ZFPM2: variants seen among roughly 807,000 people sequenced by gnomAD.
ZFPM2 encodes the protein zinc finger protein, FOG family member 2.
Under a neutral mutation model 98.6 loss-of-function variants are expected in ZFPM2, and 20 were observed. That is an observed-to-expected ratio of 0.20 (90% CI 0.14 to 0.29). The LOEUF (loss-of-function observed/expected upper bound fraction) is 0.29. ZFPM2 is among the 10% of genes least tolerant of loss of function. ZFPM2 has a pLI of 1.00. For synonymous variants in ZFPM2, 518 were observed against 502.7 expected (o/e 1.03, Z -0.41); for missense variants, 1,310 against 1,388.6 (o/e 0.94, Z 0.90).
At chr8:105,761,927 T>C (rs1391058622) in intron 5 of ZFPM2, among the ~76,000 whole-genome samples, 1 of 151,974 alleles carries the variant, frequency 6.6e-6, no homozygotes, top group African/African-American at 2.4e-5. Flanking sequence ...AATTGATGGA[T>C]ATGCTTTAGG....
intron 3 of ZFPM2, 146 bp downstream of exon 3, chr8:105,444,527 A>G (rs1425396609): frequency 1.3e-5 from 6 of 477,352 alleles, no homozygotes; most frequent in Non-Finnish European, 2.2e-5. Flanking sequence ...TATTATTTTA[A>G]AAATACTTCT....
At chr8:105,624,626 T>G (rs1816616349) in intron 4 of ZFPM2, among the ~76,000 whole-genome samples, 1 of 152,210 alleles carries the variant, frequency 6.6e-6, no homozygotes, top group Admixed American at 6.5e-5. Flanking sequence ...TATTATTTTT[T>G]AAAATATCAT....
At chr8:105,770,697 A>C (rs1812960073) in intron 5 of ZFPM2, among the ~76,000 whole-genome samples, 1 of 152,168 alleles carries the variant, frequency 6.6e-6, no homozygotes, top group Admixed American at 6.6e-5. Context: ...ACTCTACGCT[A>C]TTAAACCACA....
chr8:105,669,923 C>A (rs773934162), intron 5 of ZFPM2: 10 of 152,040 alleles, frequency 6.6e-5, no homozygotes, highest in Non-Finnish European at 1.5e-4. Flanking sequence ...TGCCTGAGTT[C>A]TTTTTCACCA....
chr8:105,694,230 C>T (rs931709828), intron 5 of ZFPM2, among the ~76,000 whole-genome samples: 1 of 151,766 alleles, frequency 6.6e-6, no homozygotes, highest in African/African-American at 2.4e-5. Context: ...TTGTGATCTG[C>T]CCCCCGCGGC....
chr8:105,793,240 T>C (rs1295260597), intron 6 of ZFPM2, among the ~76,000 whole-genome samples: 3 of 152,186 alleles, frequency 2.0e-5, no homozygotes, highest in African/African-American at 7.2e-5. Flanking sequence ...TTCCTTTCCA[T>C]GTTTAGTGCT....
chr8:105,474,074 T>A (rs1812963289), intron 3 of ZFPM2, among the ~76,000 whole-genome samples: 1 of 152,230 alleles, frequency 6.6e-6, no homozygotes, highest in Non-Finnish European at 1.5e-5. Flanking sequence ...ATTATGATGA[T>A]ATACTTGATA....
At chr8:105,787,230 T>G (rs1455979854) in intron 5 of ZFPM2, 1 of 152,238 alleles carries the variant, frequency 6.6e-6, no homozygotes, top group Non-Finnish European at 1.5e-5. Context: ...TTCTATTATT[T>G]GAAAAGAAGT....
chr8:105,543,853 C>T (rs1035873465), intron 3 of ZFPM2, among the ~76,000 whole-genome samples: 17 of 152,158 alleles, frequency 1.1e-4, no homozygotes, highest in East Asian at 3.9e-4. Context: ...TCATGAACCA[C>T]ATAACTTGGG....
intron 3 of ZFPM2, among the ~76,000 whole-genome samples, chr8:105,526,523 C>A (rs1266134711): frequency 1.3e-5 from 2 of 152,066 alleles, no homozygotes; most frequent in Non-Finnish European, 2.9e-5. Flanking sequence ...CAGAAACTAC[C>A]TGACTAGCCT....
intron 1 of ZFPM2, among the ~76,000 whole-genome samples, chr8:105,413,515 C>G (rs1811620551): frequency 6.7e-6 from 1 of 148,618 alleles, no homozygotes. Context: ...TATACACACA[C>G]ACACGCACAT....
At chr8:105,463,936 G>A (rs1430310138) in intron 3 of ZFPM2, among the ~76,000 whole-genome samples, 1 of 152,010 alleles carries the variant, frequency 6.6e-6, no homozygotes, top group East Asian at 1.9e-4. Context: ...CATGAATTTT[G>A]TGAGGAATGC....
chr8:105,707,076 A>G (rs1377640858), intron 5 of ZFPM2, among the ~76,000 whole-genome samples: 1 of 151,932 alleles, frequency 6.6e-6, no homozygotes, highest in Non-Finnish European at 1.5e-5. Context: ...CCTCATCTCT[A>G]TTAAACATTT....
intron 1 of ZFPM2, among the ~76,000 whole-genome samples, chr8:105,331,486 A>G (rs1010504461): frequency 6.6e-6 from 1 of 151,688 alleles, no homozygotes; most frequent in African/African-American, 2.4e-5. Flanking sequence ...TGTTGTTTCT[A>G]TACTGTGGTT....
intron 1 of ZFPM2, among the ~76,000 whole-genome samples, chr8:105,364,474 C>T (rs1248192216): frequency 6.6e-6 from 1 of 151,944 alleles, no homozygotes. Flanking sequence ...TTCATCTCAA[C>T]TACAAATTAG....
intron 3 of ZFPM2, among the ~76,000 whole-genome samples, chr8:105,502,936 C>T (rs1234463319): frequency 2.6e-5 from 4 of 152,066 alleles, no homozygotes; most frequent in Non-Finnish European, 4.4e-5. Context: ...TTAATAAGAC[C>T]AGTTATGTTT....
intron 2 of ZFPM2, among the ~76,000 whole-genome samples, chr8:105,437,408 A>G (rs1376130834): frequency 6.6e-6 from 1 of 152,218 alleles, no homozygotes. Flanking sequence ...CAGTTAAGTG[A>G]CATTTAATGA....
intron 5 of ZFPM2, among the ~76,000 whole-genome samples, chr8:105,742,156 T>C (rs997752225): frequency 2.0e-5 from 3 of 151,802 alleles, no homozygotes; most frequent in African/African-American, 2.4e-5. Context: ...CCAAGGAGGA[T>C]CCACTTGAAG....
chr8:105,388,169 A>G (rs1811039152), intron 1 of ZFPM2, among the ~76,000 whole-genome samples: 1 of 152,226 alleles, frequency 6.6e-6, no homozygotes, highest in Non-Finnish European at 1.5e-5. Flanking sequence ...TGAATATTGC[A>G]TGCCAAAATA....
Sources: allele counts gnomAD v4.1 joint callset (sites outside exome capture counted in the v4.1 genomes callset), GRCh38; gene constraint gnomAD v4.1.1; transcripts MANE v1.5; gene names NCBI Gene and HGNC (gene_info 2026-07-23, HGNC 2026-07-21).